CNTN5: variants seen among roughly 807,000 people sequenced by gnomAD.
CNTN5 encodes the protein contactin 5.
CNTN5 carries 77 observed loss-of-function variants against 129.1 expected under a neutral mutation model. That is an observed-to-expected ratio of 0.60 (90% confidence interval 0.50 to 0.72). The LOEUF is 0.72. CNTN5 is among the 30% of genes least tolerant of loss of function. The probability of loss-of-function intolerance (pLI) is 0.00; values close to 1 mark genes in which losing one functional copy is unlikely to be tolerated. For missense variants in CNTN5, 1,478 were observed against 1,328.8 expected (o/e 1.11, Z -1.75); for synonymous variants, 509 against 465.6 (o/e 1.09, Z -1.20).
At chr11:99,990,802 TAC>T (rs1444462696) in intron 8 of CNTN5, among the ~76,000 whole-genome samples, 6 of 152,286 alleles carry the variant, frequency 3.9e-5, no homozygotes, top group African/African-American at 1.4e-4. Context: ...TTTATTTGAA[TAC>T]AGTTACCTAC....
chr11:99,392,596 C>A (rs4635044), intron 2 of CNTN5, among the ~76,000 whole-genome samples: 18,575 of 151,720 alleles, frequency 0.12, 1,236 homozygotes, highest in Non-Finnish European at 0.16. Context: ...ATCAGGTCCC[C>A]AAGACATCGA....
chr11:99,924,226 G>T (rs557451932), intron 7 of CNTN5, among the ~76,000 whole-genome samples: 1 of 152,236 alleles, frequency 6.6e-6, no homozygotes, highest in African/African-American at 2.4e-5. Context: ...CTGCTTGTAT[G>T]TTTTCTTTTG....
At chr11:99,581,795 C>A (rs71482903) in intron 3 of CNTN5, among the ~76,000 whole-genome samples, 1 of 152,070 alleles carries the variant, frequency 6.6e-6, no homozygotes, top group Non-Finnish European at 1.5e-5. Flanking sequence ...CCAGTCTGTG[C>A]CTTTTAATTG....
At chr11:100,334,210 C>T (rs1228041348) in intron 21 of CNTN5, among the ~76,000 whole-genome samples, 1 of 152,134 alleles carries the variant, frequency 6.6e-6, no homozygotes, top group Admixed American at 6.5e-5. Flanking sequence ...CAGGGAAATA[C>T]AAATCAAAAC....
At chr11:99,132,953 T>C (rs1165838396) in intron 1 of CNTN5, among the ~76,000 whole-genome samples, 1 of 151,966 alleles carries the variant, frequency 6.6e-6, no homozygotes, top group African/African-American at 2.4e-5. Context: ...GCCAGGACAG[T>C]CCTAAGCAAA....
intron 16 of CNTN5, among the ~76,000 whole-genome samples, chr11:100,238,519 G>A (rs563608872): frequency 4.6e-3 from 677 of 145,804 alleles, no homozygotes; most frequent in Non-Finnish European, 7.3e-3. Flanking sequence ...AGGGGGAAGA[G>A]GAGGAGGGGG....
intron 17 of CNTN5, among the ~76,000 whole-genome samples, chr11:100,257,971 G>A (rs904124444): frequency 3.3e-5 from 5 of 152,092 alleles, no homozygotes; most frequent in African/African-American, 1.2e-4. Flanking sequence ...GGCATCAGAA[G>A]GTGGGTAATA....
intron 9 of CNTN5, among the ~76,000 whole-genome samples, chr11:100,046,738 C>T (rs1196761130): frequency 6.6e-6 from 1 of 151,926 alleles, no homozygotes; most frequent in Non-Finnish European, 1.5e-5. Flanking sequence ...ATAAGCATGG[C>T]AGGGTAGTTT....
chr11:99,899,498 C>T (rs1949297662), intron 6 of CNTN5, among the ~76,000 whole-genome samples: 1 of 151,802 alleles, frequency 6.6e-6, no homozygotes, highest in African/African-American at 2.4e-5. Context: ...AGTTTTCATT[C>T]TTATATCTGT....
At chr11:99,142,510 T>G (rs566994176) in intron 1 of CNTN5, among the ~76,000 whole-genome samples, 1 of 152,064 alleles carries the variant, frequency 6.6e-6, no homozygotes, top group African/African-American at 2.4e-5. Flanking sequence ...AGTGACCCAG[T>G]TGGGCATCTG....
intron 3 of CNTN5, among the ~76,000 whole-genome samples, chr11:99,560,158 T>A (rs1948793850): frequency 6.6e-6 from 1 of 152,054 alleles, no homozygotes; most frequent in South Asian, 2.1e-4. Flanking sequence ...CAAAATCAAC[T>A]AGAACTTTCC....
At chr11:99,912,124 A>G (rs995945818) in intron 6 of CNTN5, among the ~76,000 whole-genome samples, 1 of 151,954 alleles carries the variant, frequency 6.6e-6, no homozygotes, top group Non-Finnish European at 1.5e-5. Flanking sequence ...GTAACTGAAG[A>G]ATGTCAAGAA....
intron 2 of CNTN5, among the ~76,000 whole-genome samples, chr11:99,456,724 A>G (rs1423542076): frequency 6.6e-6 from 1 of 152,104 alleles, no homozygotes; most frequent in East Asian, 1.9e-4. Context: ...AACGACAACA[A>G]CAGAAAGCTT....
chr11:99,225,356 G>A (rs567215433), intron 1 of CNTN5, among the ~76,000 whole-genome samples: 1 of 152,148 alleles, frequency 6.6e-6, no homozygotes, highest in South Asian at 2.1e-4. Context: ...TTGCCTTTTT[G>A]TGTTTGTTTC....
At chr11:99,248,114 C>T (rs1435108176) in intron 1 of CNTN5, among the ~76,000 whole-genome samples, 1 of 152,168 alleles carries the variant, frequency 6.6e-6, no homozygotes, top group Non-Finnish European at 1.5e-5. Context: ...CACATCTTCT[C>T]CAGCACCTGT....
chr11:100,355,795 C>G (rs1952509148), intron 24 of CNTN5, among the ~76,000 whole-genome samples: 1 of 151,726 alleles, frequency 6.6e-6, no homozygotes. Context: ...GCTCCATTTT[C>G]TGAACTATGC....
intron 7 of CNTN5, among the ~76,000 whole-genome samples, chr11:99,941,912 C>G (rs1259215841): frequency 1.3e-5 from 2 of 151,948 alleles, no homozygotes; most frequent in African/African-American, 4.8e-5. Context: ...TAAATTTAGT[C>G]TATTACCAAG....
intron 8 of CNTN5, among the ~76,000 whole-genome samples, chr11:99,976,018 T>C (rs573689519): frequency 5.9e-5 from 9 of 152,290 alleles, no homozygotes; most frequent in African/African-American, 2.2e-4. Flanking sequence ...ACAATGTGGG[T>C]ATAGGCACTG....
At chr11:99,889,866 A>G (rs1028998346) in intron 6 of CNTN5, among the ~76,000 whole-genome samples, 1 of 152,138 alleles carries the variant, frequency 6.6e-6, no homozygotes, top group African/African-American at 2.4e-5. Flanking sequence ...TTATACTTCC[A>G]AAATACTATT....
Sources: gnomAD v4.1 joint callset for allele counts (sites outside exome capture counted in the v4.1 genomes callset) on GRCh38, gnomAD v4.1.1 for gene constraint, MANE v1.5 for transcripts, NCBI Gene and HGNC (gene_info 2026-07-23, HGNC 2026-07-21) for gene names.